PCSK2: variants seen among roughly 807,000 people sequenced by gnomAD.
PCSK2 encodes the protein neuroendocrine convertase 2.
In PCSK2, 14 loss-of-function variants were observed where a neutral mutation model predicts 69.7. That is an observed-to-expected ratio of 0.20 (90% CI 0.13 to 0.31). PCSK2 has a LOEUF of 0.31. Among genes scored for constraint, PCSK2 ranks in the 10% least tolerant of loss-of-function variants. PCSK2 has a pLI of 1.00. For missense variants in PCSK2, 544 were observed against 842.5 expected, an observed-to-expected ratio of 0.65 and a Z score of 4.39; for synonymous variants, 307 against 320.7, an observed-to-expected ratio of 0.96 and a Z score of 0.46.
chr20:17,461,841 C>T lies in PCSK2; in HGVS notation c.1203-3485C>T, dbSNP rs557165742. Among the ~76,000 whole-genome samples, 21 of 152,276 alleles carry T rather than the reference C, an allele frequency of 1.4e-4. No homozygotes were observed. In the South Asian group the frequency reaches 1.7e-3, roughly 12 times the overall value. ...GGATAAATGCTTGAGGTGATGGATA[C>T]CCCATTTACCCTGATGTGATTATCA... On this transcript the variant is annotated intron_variant, in intron 10 of 11. Transcript: ENST00000262545.
chr20:17,482,418 T>G lies in PCSK2; in HGVS notation c.*348T>G, dbSNP rs909183273. On this transcript the variant is annotated 3_prime_UTR_variant, in exon 12 of 12. Coordinates refer to ENST00000262545, the MANE Select transcript of PCSK2 (RefSeq NM_002594.5). ...TTGTTTCTGAGAAAAGAACGTATTT[T>G]AAAAGCCACATAGAGTGACTCCAAG... is the stretch of plus-strand genomic sequence containing the variant. 1.2e-5 allele frequency: 2 copies of G among 163,214 alleles called. No homozygotes were observed. The highest frequency in any genetic ancestry group is 4.8e-5 in the African/African-American group (2 of 41,548). The allele number at this position is 163,214 out of a possible 1,614,324, so 10.1% of individuals were successfully genotyped here.
At chr20:17,444,969 T>G (rs2032669609) in intron 8 of PCSK2, among the ~76,000 whole-genome samples, 1 of 152,170 alleles carries the variant, frequency 6.6e-6, no homozygotes, top group Admixed American at 6.5e-5. Flanking sequence ...GACAAAAAGA[T>G]GCATATGCTG....
intron 2 of PCSK2, among the ~76,000 whole-genome samples, chr20:17,319,458 C>A (rs1989797217): frequency 6.6e-6 from 1 of 152,162 alleles, no homozygotes; most frequent in African/African-American, 2.4e-5. Context: ...CTGGGAGGTG[C>A]AAGGGATTGG....
chr20:17,336,366 T>G (rs537748245), intron 2 of PCSK2, among the ~76,000 whole-genome samples: 1 of 152,294 alleles, frequency 6.6e-6, no homozygotes, highest in East Asian at 1.9e-4. Context: ...GCCATTGATT[T>G]CTTAGAGGAA....
intron 5 of PCSK2, among the ~76,000 whole-genome samples, chr20:17,380,371 C>A (rs2031054902): frequency 6.6e-6 from 1 of 152,048 alleles, no homozygotes; most frequent in African/African-American, 2.4e-5. Context: ...CCACATGGGG[C>A]CCTTTCATAA....
chr20:17,280,289 A>G (rs1367196699), intron 2 of PCSK2, among the ~76,000 whole-genome samples: 1 of 152,230 alleles, frequency 6.6e-6, no homozygotes, highest in African/African-American at 2.4e-5. Flanking sequence ...TAAGATTCCA[A>G]AATGTAGATA....
At chr20:17,445,970 T>C (rs564167161) in intron 8 of PCSK2, among the ~76,000 whole-genome samples, 12 of 152,340 alleles carry the variant, frequency 7.9e-5, no homozygotes, top group African/African-American at 2.6e-4. Context: ...GTTTTTAGCA[T>C]TGAAAAGTCC....
At chr20:17,352,785 C>A (rs2030037499) in intron 2 of PCSK2, among the ~76,000 whole-genome samples, 2 of 152,084 alleles carry the variant, frequency 1.3e-5, no homozygotes, top group Non-Finnish European at 2.9e-5. Context: ...AGACATAGGT[C>A]TTGGTAAAGA....
At chr20:17,271,771 T>C (rs1050278718) in intron 2 of PCSK2, among the ~76,000 whole-genome samples, 8 of 152,160 alleles carry the variant, frequency 5.3e-5, no homozygotes, top group African/African-American at 1.9e-4. Flanking sequence ...AAGATTCTTT[T>C]ATCTTTTTAA....
At chr20:17,314,795 G>C (rs191083321) in intron 2 of PCSK2, among the ~76,000 whole-genome samples, 126 of 152,110 alleles carry the variant, frequency 8.3e-4, no homozygotes, top group African/African-American at 2.9e-3. Context: ...GAATTTTCAC[G>C]TGTTGTCTTT....
intron 2 of PCSK2, among the ~76,000 whole-genome samples, chr20:17,302,760 G>A (rs747850952): frequency 1.3e-5 from 2 of 152,098 alleles, no homozygotes; most frequent in East Asian, 1.9e-4. Context: ...TTTGAGGAAC[G>A]CACTGTGATG....
chr20:17,346,288 C>G (rs1295471047), intron 2 of PCSK2, among the ~76,000 whole-genome samples: 2 of 152,186 alleles, frequency 1.3e-5, no homozygotes, highest in Non-Finnish European at 1.5e-5. Context: ...TCCCCTTTAC[C>G]TCTCACCCCC....
At chr20:17,288,956 CA>C (rs1988607768) in intron 2 of PCSK2, among the ~76,000 whole-genome samples, 1 of 152,122 alleles carries the variant, frequency 6.6e-6, no homozygotes, top group African/African-American at 2.4e-5. Flanking sequence ...AGGCTATCCG[CA>C]AAGGAAAGCT....
intron 6 of PCSK2, among the ~76,000 whole-genome samples, chr20:17,416,899 A>C (rs2032011693): frequency 6.6e-6 from 1 of 152,198 alleles, no homozygotes; most frequent in African/African-American, 2.4e-5. Context: ...GGAAATCATC[A>C]TTCTCAGCAC....
intron 2 of PCSK2, among the ~76,000 whole-genome samples, chr20:17,332,446 T>C (rs1433486244): frequency 6.6e-6 from 1 of 152,050 alleles, no homozygotes; most frequent in African/African-American, 2.4e-5. Flanking sequence ...GAGTTGAAAA[T>C]AGGGCACTGG....
intron 2 of PCSK2, among the ~76,000 whole-genome samples, chr20:17,355,840 G>A (rs2030180072): frequency 6.6e-6 from 1 of 152,136 alleles, no homozygotes; most frequent in African/African-American, 2.4e-5. Flanking sequence ...CCATTTCTGG[G>A]AGACACAGGG....
intron 2 of PCSK2, among the ~76,000 whole-genome samples, chr20:17,345,549 G>A (rs112562723): frequency 6.6e-6 from 1 of 152,238 alleles, no homozygotes; most frequent in South Asian, 2.1e-4. Context: ...TAAACAAATG[G>A]GCATAGCTAT....
At chr20:17,307,976 C>T (rs1003570764) in intron 2 of PCSK2, among the ~76,000 whole-genome samples, 3 of 152,136 alleles carry the variant, frequency 2.0e-5, no homozygotes, top group Admixed American at 2.0e-4. Flanking sequence ...AAAAGGAGAG[C>T]AGGCATCTTC....
At chr20:17,301,272 A>G (rs1365885675) in intron 2 of PCSK2, among the ~76,000 whole-genome samples, 1 of 152,132 alleles carries the variant, frequency 6.6e-6, no homozygotes, top group Non-Finnish European at 1.5e-5. Context: ...GGTGGAGGAG[A>G]CATTGCTAGC....
Sources: allele counts gnomAD v4.1 joint callset (sites outside exome capture counted in the v4.1 genomes callset), GRCh38; gene constraint gnomAD v4.1.1; transcripts MANE v1.5; gene names NCBI Gene and HGNC (gene_info 2026-07-23, HGNC 2026-07-21).